The following CNTN5 variants were observed in gnomAD, a reference collection of about 807,000 sequenced individuals.
CNTN5 encodes contactin 5.
CNTN5 carries 77 observed loss-of-function variants against 129.1 expected under a neutral mutation model. That is an observed-to-expected ratio of 0.60 (90% confidence interval 0.50 to 0.72). The LOEUF is 0.72. Ranked by LOEUF, CNTN5 falls within the 30% of genes least tolerant of loss-of-function variation. The probability of loss-of-function intolerance (pLI) is 0.00; values close to 1 mark genes in which losing one functional copy is unlikely to be tolerated. For synonymous variants in CNTN5, 509 were observed against 465.6 expected (o/e 1.09, Z -1.20); for missense variants, 1,478 against 1,328.8 (o/e 1.11, Z -1.75).
At chr11:99,407,133 A>G (rs774028514) in intron 2 of CNTN5, among the ~76,000 whole-genome samples, 2 of 152,056 alleles carry the variant, frequency 1.3e-5, no homozygotes, top group Non-Finnish European at 2.9e-5. Context: ...GTTTTGCCCC[A>G]TAGCCACCAC....
intron 9 of CNTN5, chr11:100,004,034 ATC>A (rs1940042834): frequency 6.6e-6 from 1 of 152,186 alleles, no homozygotes; most frequent in East Asian, 1.9e-4. Flanking sequence ...TGTGGTGTGG[ATC>A]ACCATTTCAT....
intron 1 of CNTN5, among the ~76,000 whole-genome samples, chr11:99,064,733 G>T (rs1865030923): frequency 6.6e-6 from 1 of 151,840 alleles, no homozygotes; most frequent in Admixed American, 6.6e-5. Context: ...GATATATCAA[G>T]ATTATTTTCA....
chr11:100,109,573 T>G (rs1477406238), intron 13 of CNTN5, among the ~76,000 whole-genome samples: 1 of 152,178 alleles, frequency 6.6e-6, no homozygotes, highest in Non-Finnish European at 1.5e-5. Flanking sequence ...TAACTAAACT[T>G]GACTCAATAA....
intron 15 of CNTN5, among the ~76,000 whole-genome samples, chr11:100,207,205 G>C (rs1399980269): frequency 2.0e-5 from 3 of 152,056 alleles, no homozygotes; most frequent in African/African-American, 7.2e-5. Flanking sequence ...ACTGATGAGA[G>C]AAATAAACTC....
intron 1 of CNTN5, among the ~76,000 whole-genome samples, chr11:99,096,525 G>A (rs1866473524): frequency 6.6e-6 from 1 of 151,714 alleles, no homozygotes; most frequent in African/African-American, 2.4e-5. Flanking sequence ...ATTTCAAAGT[G>A]TTTTCATAGG....
chr11:100,105,605 C>T (rs1413694577), intron 13 of CNTN5, among the ~76,000 whole-genome samples: 2 of 152,166 alleles, frequency 1.3e-5, no homozygotes, highest in Non-Finnish European at 2.9e-5. Context: ...AAACATAGCA[C>T]TTTTCCCACT....
intron 3 of CNTN5, among the ~76,000 whole-genome samples, chr11:99,795,987 T>G (rs1396641510): frequency 1.3e-5 from 2 of 151,936 alleles, no homozygotes; most frequent in Non-Finnish European, 2.9e-5. Context: ...GAGGGTGGAG[T>G]GCATGTGCAT....
At chr11:100,110,417 T>C (rs1192957735) in intron 13 of CNTN5, among the ~76,000 whole-genome samples, 1 of 151,924 alleles carries the variant, frequency 6.6e-6, no homozygotes, top group Admixed American at 6.6e-5. Flanking sequence ...TCCAATAATA[T>C]AGGATTGCTA....
intron 3 of CNTN5, among the ~76,000 whole-genome samples, chr11:99,793,593 T>A (rs1205140794): frequency 1.3e-5 from 2 of 152,202 alleles, no homozygotes; most frequent in Non-Finnish European, 2.9e-5. Flanking sequence ...CTGCTTTGTA[T>A]GTGTCCCAGA....
At chr11:100,029,491 G>A (rs957114213) in intron 9 of CNTN5, among the ~76,000 whole-genome samples, 1 of 152,134 alleles carries the variant, frequency 6.6e-6, no homozygotes, top group African/African-American at 2.4e-5. Context: ...GCTGAGGCAG[G>A]AGAATGGCGT....
intron 13 of CNTN5, among the ~76,000 whole-genome samples, chr11:100,090,941 G>A (rs1555004494): frequency 1.3e-5 from 2 of 151,904 alleles, no homozygotes; most frequent in Non-Finnish European, 2.9e-5. Context: ...TCTCTATCCA[G>A]CAATCAGAGT....
intron 2 of CNTN5, among the ~76,000 whole-genome samples, chr11:99,468,782 T>C (rs567932603): frequency 4.7e-4 from 71 of 151,464 alleles, no homozygotes; most frequent in Non-Finnish European, 8.5e-4. Context: ...TTGCCCAGGC[T>C]GGAGTGCAAT....
At chr11:99,948,001 G>T in intron 7 of CNTN5, among the ~76,000 whole-genome samples, 1 of 152,078 alleles carries the variant, frequency 6.6e-6, no homozygotes, top group East Asian at 1.9e-4. Flanking sequence ...TGGATAAAAG[G>T]TAATATTTTA....
intron 3 of CNTN5, among the ~76,000 whole-genome samples, chr11:99,573,749 A>G (rs1271735082): frequency 6.6e-6 from 1 of 151,600 alleles, no homozygotes; most frequent in Non-Finnish European, 1.5e-5. Flanking sequence ...CCTGCCCCTG[A>G]CCATTTCCTT....
chr11:99,751,275 T>C (rs1172834619), intron 3 of CNTN5, among the ~76,000 whole-genome samples: 1 of 152,158 alleles, frequency 6.6e-6, no homozygotes, highest in Non-Finnish European at 1.5e-5. Context: ...AGGCGAAGGT[T>C]GCAGTGAGCT....
chr11:100,167,419 T>A (rs1349301963), intron 13 of CNTN5, among the ~76,000 whole-genome samples: 1 of 151,864 alleles, frequency 6.6e-6, no homozygotes, highest in African/African-American at 2.4e-5. Context: ...TCTGTATTAA[T>A]GTATTCACTT....
At chr11:99,296,262 G>A (rs1042485602) in intron 1 of CNTN5, among the ~76,000 whole-genome samples, 1 of 152,136 alleles carries the variant, frequency 6.6e-6, no homozygotes, top group Admixed American at 6.6e-5. Context: ...AGTTCCAGGA[G>A]TATGGAGGCA....
At chr11:99,050,798 G>A (rs1206353592) in intron 1 of CNTN5, among the ~76,000 whole-genome samples, 5 of 151,640 alleles carry the variant, frequency 3.3e-5, no homozygotes, top group Non-Finnish European at 7.4e-5. Context: ...TTGAATATAT[G>A]TTTTCATATA....
At chr11:99,792,461 G>T (rs1192583704) in intron 3 of CNTN5, among the ~76,000 whole-genome samples, 1 of 151,702 alleles carries the variant, frequency 6.6e-6, no homozygotes, top group Non-Finnish European at 1.5e-5. Context: ...ATGTGCTGCT[G>T]GATATGGATA....
Sources: gnomAD v4.1 joint callset for allele counts (sites outside exome capture counted in the v4.1 genomes callset) on GRCh38, gnomAD v4.1.1 for gene constraint, MANE v1.5 for transcripts, NCBI Gene and HGNC (gene_info 2026-07-23, HGNC 2026-07-21) for gene names.